The following KCNQ1OT1 variants were observed in gnomAD, a reference collection of about 807,000 sequenced individuals.
KCNQ1OT1 encodes the protein KCNQ1 antisense RNA 2 (non-protein coding).
In KCNQ1OT1 at chr11:2,641,688, T is replaced by A. The variant is rs1589999492; in HGVS notation, n.58307A>T. 2.0e-5 allele frequency: 8 copies of A among 398,444 alleles called. No individual in the cohort carries two copies. In the East Asian group the frequency reaches 2.9e-4, roughly 14 times the overall value. 24.7% of individuals were successfully genotyped at this position (398,444 alleles called of 1,614,324 possible). A position where few individuals can be genotyped will look rare whatever the true frequency, so the allele number is the denominator to read the frequency against. Reference sequence around the variant, plus strand: ...TGTTTTTGTCTGTGTTTTTGAGGTCTTATCCATAAAATCTTTCCCTAGACC... The same window carrying A: ...TGTTTTTGTCTGTGTTTTTGAGGTCATATCCATAAAATCTTTCCCTAGACC... On this transcript the variant is annotated non_coding_transcript_exon_variant, in exon 1 of 1. Coordinates refer to ENST00000597346, the Ensembl canonical transcript of KCNQ1OT1.
Position 2,623,156 on chromosome 11 carries a change from G to A in KCNQ1OT1, n.76839C>T. The A allele has an allele frequency of 2.5e-6, 1 of 398,644 alleles. No homozygotes were observed. Among genetic ancestry groups the A allele is most frequent in the Non-Finnish European group, 4.4e-6 (1 of 226,164 alleles). 24.7% of individuals were successfully genotyped at this position (398,644 alleles called of 1,614,324 possible). A position where few individuals can be genotyped will look rare whatever the true frequency, so the allele number is the denominator to read the frequency against. The stretch of plus-strand genomic sequence containing the variant: ...TTCTTTCCCTCTCCTGTTCTGCCAT[G>A]GTAAAGATGTGCCTGCTTCTCCTTT... On this transcript the variant is annotated non_coding_transcript_exon_variant, in exon 1 of 1. Coordinates refer to ENST00000597346, the Ensembl canonical transcript of KCNQ1OT1. This position sits in a 1 kb window ranked among gnomAD's most constrained non-coding sequence, Gnocchi z 5.2.
chr11:2,650,134 G>A (rs1315801132), exon 1 of KCNQ1OT1: 5 of 397,974 alleles, frequency 1.3e-5, no homozygotes, highest in Non-Finnish European at 2.2e-5. Flanking sequence ...CAGGATTTTT[G>A]TTTGGTTCTT....
Position 2,621,748 on chromosome 11 carries a change from T to A in KCNQ1OT1, n.78247A>T, listed in dbSNP as rs973687948. Reference sequence around the variant, plus strand: ...GTAATATATTCTCCATTTTCATTTCTGATTTTGTCCTCTTTCTTAGTCCAA... The same window carrying A: ...GTAATATATTCTCCATTTTCATTTCAGATTTTGTCCTCTTTCTTAGTCCAA... On this transcript the variant is annotated non_coding_transcript_exon_variant, in exon 1 of 1. Transcript: ENST00000597346. This position sits in a 1 kb window ranked among gnomAD's most constrained non-coding sequence, Gnocchi z 5.7. 2.0e-5 allele frequency: 8 copies of A among 398,306 alleles called. No individual in the cohort carries two copies. Among genetic ancestry groups the A allele is most frequent in the African/African-American group, 4.1e-5 (2 of 48,636 alleles). The allele number at this position is 398,306 out of a possible 1,614,324, so 24.7% of individuals were successfully genotyped here.
At position 2,630,260 on chromosome 11, in the gene KCNQ1OT1, T is replaced by A; in HGVS notation, n.69735A>T. The A allele has an allele frequency of 7.5e-6, 3 of 398,328 alleles. No individual in the cohort carries two copies. The East Asian group carries it at 1.1e-4, about 14-fold the overall frequency. 24.7% of individuals were successfully genotyped at this position (398,328 alleles called of 1,614,324 possible). A position where few individuals can be genotyped will look rare whatever the true frequency, so the allele number is the denominator to read the frequency against. Reference sequence around the variant, plus strand: ...ACTGTCCTTATGTACTAAGGATAAATCCCATGTTTGTGATATATGATTTTT... The same window carrying A: ...ACTGTCCTTATGTACTAAGGATAAAACCCATGTTTGTGATATATGATTTTT... On this transcript the variant is annotated non_coding_transcript_exon_variant, in exon 1 of 1. Coordinates refer to ENST00000597346, the Ensembl canonical transcript of KCNQ1OT1.
At chr11:2,699,720 C>T (rs1850756213) in exon 1 of KCNQ1OT1, 2 of 332,866 alleles carry the variant, frequency 6.0e-6, no homozygotes, top group South Asian at 1.5e-4. Context: ...GCCGAGGAGT[C>T]CCCGGGGAGA....
chr11:2,649,579 A>G (rs1849726341), exon 1 of KCNQ1OT1: 1 of 398,584 alleles, frequency 2.5e-6, no homozygotes, highest in Non-Finnish European at 4.4e-6. Flanking sequence ...ATTTGTGGCT[A>G]GCAATTTTGT....
chr11:2,651,666 T>C lies in KCNQ1OT1; in HGVS notation n.48329A>G. Reference sequence around the variant, plus strand: ...CTGTCTCTCCCACAGCTCACTGACATTAGCCACGTGGCCCTCTGTTTCCTG... The same window carrying C: ...CTGTCTCTCCCACAGCTCACTGACACTAGCCACGTGGCCCTCTGTTTCCTG... On this transcript the variant is annotated non_coding_transcript_exon_variant, in exon 1 of 1. Coordinates refer to ENST00000597346, the Ensembl canonical transcript of KCNQ1OT1. This position sits in a 1 kb window ranked among gnomAD's most constrained non-coding sequence, Gnocchi z 6.1. 2.5e-6 allele frequency: 1 copy of C among 398,672 alleles called. No homozygotes were observed. Among genetic ancestry groups the C allele is most frequent in the East Asian group, 3.6e-5 (1 of 28,084 alleles). 24.7% of individuals were successfully genotyped at this position (398,672 alleles called of 1,614,324 possible). A position where few individuals can be genotyped will look rare whatever the true frequency, so the allele number is the denominator to read the frequency against.
At chr11:2,660,782 T>C (rs1457385206) in exon 1 of KCNQ1OT1, 1 of 398,632 alleles carries the variant, frequency 2.5e-6, no homozygotes, top group Non-Finnish European at 4.4e-6. Flanking sequence ...CTACAACTTC[T>C]TGGGAAAGCA....
rs1850507063 is a variant in KCNQ1OT1 at position 2,687,294 on chromosome 11, G to A, written n.12701C>T. On this transcript the variant is annotated non_coding_transcript_exon_variant, in exon 1 of 1. Coordinates refer to ENST00000597346, the Ensembl canonical transcript of KCNQ1OT1. The surrounding 1 kb of genome is among the most constrained non-coding windows in gnomAD (Gnocchi z 5.0). ...CTGGCCTCCCACCTTGCAGCTTTGA[G>A]ATCCCAGGCCTCTCAGGGCTCTGGC... 4 of 398,572 alleles carry A rather than the reference G, an allele frequency of 1.0e-5. No individual in the cohort carries two copies. Among genetic ancestry groups the A allele is most frequent in the Non-Finnish European group, 1.8e-5 (4 of 226,122 alleles). 24.7% of individuals were successfully genotyped at this position (398,572 alleles called of 1,614,324 possible). A position where few individuals can be genotyped will look rare whatever the true frequency, so the allele number is the denominator to read the frequency against.
chr11:2,692,701 T>G, exon 1 of KCNQ1OT1: 1 of 398,692 alleles, frequency 2.5e-6, no homozygotes, highest in East Asian at 3.6e-5. Context: ...CTTTGTCCAC[T>G]AACCCTGGGA....
chr11:2,629,502 T>C (rs1849317504), exon 1 of KCNQ1OT1: 2 of 398,406 alleles, frequency 5.0e-6, no homozygotes, highest in Non-Finnish European at 4.4e-6. Flanking sequence ...GAGTTAATTT[T>C]TGTATATGGA....
chr11:2,691,833 A>C lies in KCNQ1OT1; in HGVS notation n.8162T>G, dbSNP rs1035828441. On this transcript the variant is annotated non_coding_transcript_exon_variant, in exon 1 of 1. Coordinates refer to ENST00000597346, the Ensembl canonical transcript of KCNQ1OT1. The surrounding 1 kb of genome is among the most constrained non-coding windows in gnomAD (Gnocchi z 6.4). ...CACTGGATCCAATGTGACCTCTGCC[A>C]GGACCATGACCCCTAGGTCCTCTTT... 7.5e-6 allele frequency: 3 copies of C among 398,566 alleles called. No homozygotes were observed. Among genetic ancestry groups the C allele is most frequent in the Non-Finnish European group, 1.3e-5 (3 of 226,124 alleles). The allele number at this position is 398,566 out of a possible 1,614,324, so 24.7% of individuals were successfully genotyped here.
exon 1 of KCNQ1OT1, chr11:2,628,947 G>A (rs1264605483): frequency 2.5e-6 from 1 of 398,134 alleles, no homozygotes; most frequent in African/African-American, 2.1e-5. Context: ...TTATTTCTAT[G>A]CTTTCTATTC....
chr11:2,662,879 T>C (rs532266334), exon 1 of KCNQ1OT1: 9 of 398,612 alleles, frequency 2.3e-5, no homozygotes, highest in African/African-American at 1.6e-4. Context: ...TTCTAAAGGG[T>C]GTTTTGTTCT....
exon 1 of KCNQ1OT1, chr11:2,648,051 CA>C (rs34011245): frequency 0.24 from 79,407 of 337,678 alleles, 823 homozygotes; most frequent in Middle Eastern, 0.29. Flanking sequence ...CCATCTCTAC[CA>C]AAAAAAAAAA....
chr11:2,619,419 A>T, exon 1 of KCNQ1OT1: 2 of 398,586 alleles, frequency 5.0e-6, no homozygotes, highest in Non-Finnish European at 4.4e-6. Context: ...TTGTGTGTCA[A>T]TTGAGATGAT....
chr11:2,689,542 C>G (rs975787907), exon 1 of KCNQ1OT1: 10 of 398,530 alleles, frequency 2.5e-5, no homozygotes, highest in African/African-American at 2.1e-4. Flanking sequence ...GAAGCTTGCA[C>G]AGGAAGAACA....
exon 1 of KCNQ1OT1, chr11:2,693,686 G>T (rs1850626416): frequency 2.5e-6 from 1 of 398,496 alleles, no homozygotes; most frequent in African/African-American, 2.1e-5. Flanking sequence ...CCAGAGACTG[G>T]GTGCGCTCCA....
rs1374620216 is a variant in KCNQ1OT1, at chr11:2,668,072, G to C, written n.31923C>G. 1 of 398,478 alleles carries C rather than the reference G, an allele frequency of 2.5e-6. No homozygotes were observed. The highest frequency in any genetic ancestry group is 2.1e-5 in the African/African-American group (1 of 48,602). 24.7% of individuals were successfully genotyped at this position (398,478 alleles called of 1,614,324 possible). On this transcript the variant is annotated non_coding_transcript_exon_variant, in exon 1 of 1. Coordinates refer to ENST00000597346, the Ensembl canonical transcript of KCNQ1OT1. The surrounding 1 kb of genome is among the most constrained non-coding windows in gnomAD (Gnocchi z 4.3). The stretch of plus-strand genomic sequence containing the variant: ...TTGAACTTTATGCGGTGGGAATGAT[G>C]CAACTCATACACCTTTGTGTCCAAT...
Sources: gnomAD v4.1 joint callset for allele counts on GRCh38, gnomAD v4.1.1 for gene constraint, Gnocchi (gnomAD v3.1) non-coding constraint, MANE v1.5 for transcripts, NCBI Gene and HGNC (gene_info 2026-07-23, HGNC 2026-07-21) for gene names.